ADARB2: variants seen among roughly 807,000 people sequenced by gnomAD.
ADARB2 encodes adenosine deaminase RNA specific B2 (inactive).
A neutral mutation model predicts 62.2 loss-of-function variants in ADARB2; 25 were observed. That is an observed-to-expected ratio of 0.40 (90% confidence interval 0.29 to 0.56). The LOEUF is 0.56. Among genes scored for constraint, ADARB2 ranks in the 20% least tolerant of loss-of-function variants. ADARB2 has a pLI of 0.43. For synonymous variants in ADARB2, 572 were observed against 500.8 expected (o/e 1.14, Z -1.90); for missense variants, 1,071 against 1,077.4 (o/e 0.99, Z 0.08).
At chr10:1,332,476 GTTTTGT>G (rs1174259324) in intron 3 of ADARB2, among the ~76,000 whole-genome samples, 2 of 130,372 alleles carry the variant, frequency 1.5e-5, no homozygotes, top group African/African-American at 3.1e-5. Context: ...ACTAGCATCA[GTTTTGT>G]TTTTTTTTTT....
At chr10:1,649,994 C>T (rs1834090182) in intron 1 of ADARB2, among the ~76,000 whole-genome samples, 1 of 152,142 alleles carries the variant, frequency 6.6e-6, no homozygotes, top group African/African-American at 2.4e-5. Flanking sequence ...GGCTGGGCTG[C>T]GTATCATACC....
chr10:1,616,717 T>G (rs1237536710), intron 1 of ADARB2, among the ~76,000 whole-genome samples: 3 of 126,334 alleles, frequency 2.4e-5, no homozygotes, highest in African/African-American at 8.8e-5. Context: ...TGCATTCTGT[T>G]GCTAGATGTT....
In ADARB2 at chr10:1,477,588, CACA is replaced by C. The variant is rs1379587486; in HGVS notation, c.101-98431_101-98429del. The stretch of plus-strand genomic sequence containing the variant: ...TGACACCAGCCCCAGCCATTGCACC[CACA>C]ACAACACGGTGATGTGCCAGAAGCA... On this transcript the variant is annotated intron_variant, in intron 1 of 9. Coordinates refer to ENST00000381312, the MANE Select transcript of ADARB2 (RefSeq NM_018702.4). This position sits in a 1 kb window ranked among gnomAD's most constrained non-coding sequence, Gnocchi z 4.5. Among the ~76,000 whole-genome samples, 2 of 152,156 alleles carry C rather than the reference CACA, an allele frequency of 1.3e-5. No individual in the cohort carries two copies. The highest frequency in any genetic ancestry group is 2.9e-5 in the Non-Finnish European group (2 of 68,044).
intron 1 of ADARB2, among the ~76,000 whole-genome samples, chr10:1,428,850 C>A (rs960773722): frequency 6.6e-6 from 1 of 152,010 alleles, no homozygotes; most frequent in East Asian, 1.9e-4. Context: ...ATCCCACACA[C>A]ACATACACAC....
chr10:1,285,336 C>T (rs920804249), intron 3 of ADARB2, among the ~76,000 whole-genome samples: 1 of 149,638 alleles, frequency 6.7e-6, no homozygotes, highest in Non-Finnish European at 1.5e-5. Context: ...CTCGGCTTCT[C>T]GCAGGGACGA....
intron 1 of ADARB2, among the ~76,000 whole-genome samples, chr10:1,649,868 C>T (rs765277987): frequency 2.0e-5 from 3 of 152,186 alleles, no homozygotes; most frequent in African/African-American, 7.2e-5. Context: ...CTGTGATGCA[C>T]AGGTAATTAC....
At chr10:1,264,057 C>T (rs998190111) in intron 4 of ADARB2, among the ~76,000 whole-genome samples, 3 of 152,082 alleles carry the variant, frequency 2.0e-5, no homozygotes, top group Non-Finnish European at 4.4e-5. Flanking sequence ...TTATTGTACT[C>T]AGCCGTCGGC....
chr10:1,233,981 T>TTC, intron 5 of ADARB2, 136 bp from the exon 6 acceptor site: 4 of 1,064,854 alleles, frequency 3.8e-6, no homozygotes, highest in Non-Finnish European at 5.1e-6. Flanking sequence ...TTTTTTCCTT[T>TTC]TTTTTTTGAG....
intron 2 of ADARB2, among the ~76,000 whole-genome samples, chr10:1,368,995 G>A (rs1390822566): frequency 1.4e-5 from 2 of 145,374 alleles, no homozygotes; most frequent in African/African-American, 5.1e-5. Context: ...TCTGGGCTCT[G>A]AGGCTGTTGG....
intron 3 of ADARB2, among the ~76,000 whole-genome samples, chr10:1,345,334 G>T (rs1463031003): frequency 1.3e-5 from 2 of 152,208 alleles, no homozygotes; most frequent in Non-Finnish European, 2.9e-5. Context: ...CTGCTCCGCA[G>T]GTGAGGTTGC....
chr10:1,397,856 G>A (rs1232642082), intron 1 of ADARB2, among the ~76,000 whole-genome samples: 3 of 106,610 alleles, frequency 2.8e-5, no homozygotes, highest in Non-Finnish European at 5.9e-5. Flanking sequence ...CTCCCCTCCC[G>A]AGTGGAGGCT....
intron 5 of ADARB2, among the ~76,000 whole-genome samples, chr10:1,241,308 C>T (rs529442509): frequency 1.3e-5 from 2 of 152,326 alleles, no homozygotes; most frequent in African/African-American, 4.8e-5. Flanking sequence ...TCAGCAGCGT[C>T]TGCTTAGGGC....
chr10:1,631,610 A>G (rs566084160), intron 1 of ADARB2, among the ~76,000 whole-genome samples: 15 of 152,304 alleles, frequency 9.8e-5, no homozygotes, highest in Admixed American at 3.3e-4. Flanking sequence ...AGTTGCAGTG[A>G]GGTGGCTGGC....
intron 4 of ADARB2, among the ~76,000 whole-genome samples, chr10:1,261,441 TCAAA>T (rs892256516): frequency 3.4e-5 from 5 of 148,738 alleles, no homozygotes; most frequent in African/African-American, 1.3e-4. Context: ...TACAATGAAC[TCAAA>T]CAAATTTACA....
chr10:1,575,587 T>C (rs1791188365), intron 1 of ADARB2, among the ~76,000 whole-genome samples: 2 of 152,204 alleles, frequency 1.3e-5, no homozygotes, highest in African/African-American at 2.4e-5. Flanking sequence ...GTGCAGACGC[T>C]GCTCTGAGGG....
intron 1 of ADARB2, among the ~76,000 whole-genome samples, chr10:1,471,661 G>T (rs1831324634): frequency 6.6e-6 from 1 of 152,204 alleles, no homozygotes. Context: ...CCAAAGTGCT[G>T]GGATTATAGG....
chr10:1,674,957 ACGGATATTCTGGAGGTTT>A, intron 1 of ADARB2: 1 of 974,234 alleles, frequency 1.0e-6, no homozygotes, highest in African/African-American at 1.9e-5. Flanking sequence ...TTGGGGGTAC[ACGGATATTCTGGAGGTTT>A]GGGTTTGGGG....
intron 7 of ADARB2, among the ~76,000 whole-genome samples, chr10:1,213,847 TG>T (rs1390565880): frequency 1.3e-5 from 2 of 152,206 alleles, no homozygotes; most frequent in Admixed American, 1.3e-4. Flanking sequence ...CAGCGTTGTG[TG>T]GGTTTGCATC....
chr10:1,242,393 G>C (rs1205760750), intron 4 of ADARB2, 94 bp from the exon 5 acceptor site: 2 of 1,408,300 alleles, frequency 1.4e-6, no homozygotes, highest in African/African-American at 1.4e-5. Context: ...CGGTTTCCCT[G>C]GGTTAGGAAA....
Sources: gnomAD v4.1 joint callset for allele counts (sites outside exome capture counted in the v4.1 genomes callset) on GRCh38, gnomAD v4.1.1 for gene constraint, Gnocchi (gnomAD v3.1) non-coding constraint, MANE v1.5 for transcripts, NCBI Gene and HGNC (gene_info 2026-07-23, HGNC 2026-07-21) for gene names.